Variants in ST7 observed in about 807,000 individuals in gnomAD.
ST7 encodes the protein suppression of tumorigenicity 7.
A neutral mutation model predicts 78.7 loss-of-function variants in ST7; 28 were observed. That is an observed-to-expected ratio of 0.36 (90% confidence interval 0.26 to 0.49). ST7 has a LOEUF of 0.49. Ranked by LOEUF, ST7 falls within the 20% of genes least tolerant of loss-of-function variation. The pLI is 0.99. For missense variants in ST7, 418 were observed against 696.0 expected, an observed-to-expected ratio of 0.60 and a Z score of 4.49; for synonymous variants, 247 against 249.6, an observed-to-expected ratio of 0.99 and a Z score of 0.10.
At chr7:116,991,765 A>T (rs1364888705) in intron 1 of ST7, among the ~76,000 whole-genome samples, 2 of 152,166 alleles carry the variant, frequency 1.3e-5, no homozygotes, top group African/African-American at 4.8e-5. Context: ...TTAACCCAAA[A>T]GTCCACAGTC....
chr7:117,199,683 G>T (rs755769579), intron 12 of ST7, among the ~76,000 whole-genome samples: 10 of 152,160 alleles, frequency 6.6e-5, no homozygotes, highest in Admixed American at 2.0e-4. Flanking sequence ...CTAATTATGT[G>T]CCAGCCACTG....
chr7:117,213,880 C>A (rs1792481232), intron 13 of ST7, among the ~76,000 whole-genome samples: 1 of 152,182 alleles, frequency 6.6e-6, no homozygotes, highest in Non-Finnish European at 1.5e-5. Flanking sequence ...TCTGGCGATC[C>A]TCACATACAT....
intron 10 of ST7, among the ~76,000 whole-genome samples, chr7:117,182,996 T>C (rs1808901920): frequency 6.6e-6 from 1 of 152,140 alleles, no homozygotes; most frequent in South Asian, 2.1e-4. Flanking sequence ...TAAGGATTTG[T>C]GGAGAGAATG....
chr7:117,216,151 C>T (rs756958210), intron 13 of ST7, among the ~76,000 whole-genome samples: 4 of 152,034 alleles, frequency 2.6e-5, no homozygotes, highest in Non-Finnish European at 5.9e-5. Context: ...GAAAATGTGT[C>T]TGGTCAGGGA....
chr7:117,193,400 A>T (rs1162722144), intron 12 of ST7, among the ~76,000 whole-genome samples: 1 of 152,236 alleles, frequency 6.6e-6, no homozygotes, highest in Non-Finnish European at 1.5e-5. Flanking sequence ...TAGCTGAAGT[A>T]TATAAGCCCT....
chr7:117,122,261 G>A (rs539501659), intron 3 of ST7, among the ~76,000 whole-genome samples: 5 of 152,182 alleles, frequency 3.3e-5, no homozygotes, highest in African/African-American at 1.2e-4. Flanking sequence ...AGCCAAAGTT[G>A]CCAAGTAGCT....
chr7:117,193,429 C>T (rs146095505), intron 12 of ST7, among the ~76,000 whole-genome samples: 34 of 152,318 alleles, frequency 2.2e-4, no homozygotes, highest in Non-Finnish European at 4.3e-4. Context: ...TTTTTCATAA[C>T]AACTCTGTGA....
rs189920833 is a variant in ST7 at position 117,130,056 on chromosome 7, T to A, written c.449+209T>A. Among the ~76,000 whole-genome samples, 706 of 152,070 alleles carry A rather than the reference T, an allele frequency of 4.6e-3. 3 individuals are homozygous for A. The highest frequency in any genetic ancestry group is 7.5e-3 in the Non-Finnish European group (512 of 67,876). ...ATAATGTACAAAAATGTGTAGTTTT[T>A]AGAGTTTTTGTATTAACAGTTATTC... On this transcript the variant is annotated intron_variant, in intron 4 of 15. Coordinates refer to ENST00000323984, the MANE Select transcript of ST7 (RefSeq NM_001369598.1).
intron 2 of ST7, among the ~76,000 whole-genome samples, chr7:117,116,784 T>G: frequency 6.6e-6 from 1 of 152,196 alleles, no homozygotes; most frequent in East Asian, 1.9e-4. Context: ...CAGTCTTTAC[T>G]GAGGTCTATT....
At chr7:116,972,111 T>G (rs1793457562) in intron 1 of ST7, 1 of 540,662 alleles carries the variant, frequency 1.8e-6, no homozygotes, top group Non-Finnish European at 3.6e-6. Flanking sequence ...CAGGCTGGCC[T>G]CAGGCAGAGT....
chr7:116,997,483 C>G (rs1053646773), intron 1 of ST7, among the ~76,000 whole-genome samples: 3 of 152,186 alleles, frequency 2.0e-5, no homozygotes, highest in African/African-American at 7.2e-5. Context: ...TAGCTAGACA[C>G]AGAGCACTGA....
At chr7:117,001,239 C>A (rs1794919824) in intron 1 of ST7, among the ~76,000 whole-genome samples, 2 of 152,130 alleles carry the variant, frequency 1.3e-5, no homozygotes, top group Admixed American at 1.3e-4. Flanking sequence ...TCGCCTGCCT[C>A]CACTTTAAAA....
intron 1 of ST7, among the ~76,000 whole-genome samples, chr7:117,034,668 G>A (rs1157668948): frequency 2.0e-5 from 3 of 152,070 alleles, no homozygotes; most frequent in Non-Finnish European, 4.4e-5. Flanking sequence ...TATGTCTGTA[G>A]CTTTGTTAGA....
At chr7:117,211,504 G>T (rs867073332) in intron 13 of ST7, among the ~76,000 whole-genome samples, 2 of 152,210 alleles carry the variant, frequency 1.3e-5, no homozygotes, top group Non-Finnish European at 2.9e-5. Context: ...CCTAGTGTCA[G>T]TTGTGGAGAA....
At chr7:117,098,738 T>A in intron 1 of ST7, 2 of 1,290,410 alleles carry the variant, frequency 1.5e-6, no homozygotes, top group Non-Finnish European at 2.0e-6. Context: ...AAGCCCTACT[T>A]CTAAAACCAG....
chr7:117,031,842 A>G (rs1563027049), intron 1 of ST7, among the ~76,000 whole-genome samples: 2 of 102,146 alleles, frequency 2.0e-5, no homozygotes, highest in Admixed American at 1.3e-4. Context: ...ATCTATATCT[A>G]TATCTATATC....
chr7:117,002,734 TTAA>T (rs375212057), intron 1 of ST7, among the ~76,000 whole-genome samples: 28 of 151,070 alleles, frequency 1.9e-4, no homozygotes, highest in East Asian at 1.7e-3. Context: ...ATTATGCAAA[TTAA>T]TAATAACAAA....
intron 1 of ST7, among the ~76,000 whole-genome samples, chr7:117,055,209 A>G (rs768898631): frequency 1.3e-5 from 2 of 151,406 alleles, no homozygotes; most frequent in Non-Finnish European, 2.9e-5. Context: ...TAATTTTTTT[A>G]TTTTATTTTT....
intron 1 of ST7, among the ~76,000 whole-genome samples, chr7:116,982,519 T>C (rs1794004504): frequency 6.6e-6 from 1 of 152,222 alleles, no homozygotes; most frequent in Non-Finnish European, 1.5e-5. Flanking sequence ...ACTCCTGCTT[T>C]TCTGTTGTAT....
Sources: gnomAD v4.1 joint callset for allele counts (sites outside exome capture counted in the v4.1 genomes callset) on GRCh38, gnomAD v4.1.1 for gene constraint, MANE v1.5 for transcripts, NCBI Gene and HGNC (gene_info 2026-07-23, HGNC 2026-07-21) for gene names.